ROBO1: variants seen among roughly 807,000 people sequenced by gnomAD.
ROBO1 encodes roundabout homolog 1.
ROBO1 carries 149 observed loss-of-function variants against 195.9 expected under a neutral mutation model. The observed-to-expected ratio is 0.76, with a 90% CI of 0.67 to 0.87. The LOEUF is 0.87. Ranked by LOEUF, ROBO1 falls within the 40% of genes least tolerant of loss-of-function variation. The pLI is 0.00. For missense variants in ROBO1, 1,933 were observed against 2,068.3 expected, an observed-to-expected ratio of 0.93 and a Z score of 1.27; for synonymous variants, 816 against 733.2, an observed-to-expected ratio of 1.11 and a Z score of -1.82.
chr3:79,469,991 A>T (rs141240394), intron 2 of ROBO1, among the ~76,000 whole-genome samples: 2 of 152,174 alleles, frequency 1.3e-5, no homozygotes. Flanking sequence ...AAGAGTTTTT[A>T]AAAACTGTTA....
intron 2 of ROBO1, among the ~76,000 whole-genome samples, chr3:79,306,286 A>T (rs1422349021): frequency 6.6e-6 from 1 of 152,264 alleles, no homozygotes; most frequent in African/African-American, 2.4e-5. Context: ...GATAGGTGAT[A>T]AAGAAACAAA....
Position 79,243,681 on chromosome 3 carries a change from G to GT in ROBO1, c.89-118143dup, listed in dbSNP as rs1439877142. Among the ~76,000 whole-genome samples, 491 of 152,110 alleles carry GT rather than the reference G, an allele frequency of 3.2e-3. 3 individuals carry two copies. Among genetic ancestry groups the GT allele is most frequent in the African/African-American group, 0.011 (469 of 41,516 alleles). Reference sequence around the variant, plus strand: ...CCTTCGCCCACTTTTTGATGGGGTTGTTTTTTTCTTGTAAATTTGTTTGAG... The same window carrying GT: ...CCTTCGCCCACTTTTTGATGGGGTTGTTTTTTTTCTTGTAAATTTGTTTGAG... On this transcript the variant is annotated intron_variant, in intron 2 of 30. Coordinates refer to ENST00000464233, the MANE Select transcript of ROBO1 (RefSeq NM_002941.4).
At chr3:79,403,959 C>T (rs1369809964) in intron 2 of ROBO1, among the ~76,000 whole-genome samples, 1 of 151,882 alleles carries the variant, frequency 6.6e-6, no homozygotes, top group African/African-American at 2.4e-5. Context: ...TACTCAGAGG[C>T]TCATAATATC....
chr3:79,248,934 G>A (rs1338108692), intron 2 of ROBO1, among the ~76,000 whole-genome samples: 2 of 152,110 alleles, frequency 1.3e-5, no homozygotes. Flanking sequence ...GAGAAATGGG[G>A]AAAGAAAGGG....
intron 1 of ROBO1, among the ~76,000 whole-genome samples, chr3:79,695,637 G>T (rs1200157449): frequency 2.0e-5 from 3 of 151,244 alleles, no homozygotes; most frequent in Non-Finnish European, 1.5e-5. Flanking sequence ...CCTAAAAATG[G>T]CTACTGAACT....
At chr3:79,272,408 T>C (rs2030645945) in intron 2 of ROBO1, among the ~76,000 whole-genome samples, 2 of 152,060 alleles carry the variant, frequency 1.3e-5, no homozygotes, top group Non-Finnish European at 2.9e-5. Flanking sequence ...AACATCACAT[T>C]GAACAACTAT....
intron 2 of ROBO1, among the ~76,000 whole-genome samples, chr3:79,257,535 T>G (rs556465271): frequency 3.3e-5 from 5 of 152,248 alleles, no homozygotes; most frequent in African/African-American, 1.2e-4. Context: ...TTGGTACAAG[T>G]GTGGTTGGCC....
chr3:79,193,769 A>G (rs558962254), intron 2 of ROBO1, among the ~76,000 whole-genome samples: 2 of 151,234 alleles, frequency 1.3e-5, no homozygotes, highest in Admixed American at 1.3e-4. Flanking sequence ...GAAAGAAGAC[A>G]CTCCAGGACT....
chr3:78,834,636 A>T (rs1272096817), intron 4 of ROBO1, among the ~76,000 whole-genome samples: 2 of 152,006 alleles, frequency 1.3e-5, no homozygotes, highest in Non-Finnish European at 2.9e-5. Context: ...TTCTTTGAAA[A>T]ATATAAACCA....
chr3:78,863,138 A>T (rs2034953374), intron 4 of ROBO1, among the ~76,000 whole-genome samples: 1 of 152,170 alleles, frequency 6.6e-6, no homozygotes, highest in South Asian at 2.1e-4. Context: ...ATCTCATTTA[A>T]TTCTTTCAGT....
rs1406676163 is a variant in ROBO1, at chr3:78,918,486, G to A, written c.499+20115C>T. On this transcript the variant is annotated intron_variant, in intron 4 of 30. Transcript: ENST00000464233. ...TTCAGAGAACTAAAATTAGTTATAT[G>A]AATCATTATCCCTTATTTGGCAATT... 3.9e-5 allele frequency among the ~76,000 whole-genome samples: 6 copies of A among 152,190 alleles called. No individual in the cohort carries two copies. In the East Asian group the frequency reaches 1.2e-3, roughly 29 times the overall value.
intron 5 of ROBO1, among the ~76,000 whole-genome samples, chr3:78,724,225 G>A (rs1027325688): frequency 6.6e-6 from 1 of 151,986 alleles, no homozygotes; most frequent in African/African-American, 2.4e-5. Flanking sequence ...ACATTGAAAT[G>A]GATCTTAAAA....
At chr3:79,664,048 A>G (rs766937416) in intron 1 of ROBO1, among the ~76,000 whole-genome samples, 2 of 152,078 alleles carry the variant, frequency 1.3e-5, no homozygotes, top group Non-Finnish European at 2.9e-5. Flanking sequence ...CTGTGTCTAC[A>G]GTAAGTTCAA....
At chr3:79,269,359 G>T (rs149320605) in intron 2 of ROBO1, among the ~76,000 whole-genome samples, 3 of 151,808 alleles carry the variant, frequency 2.0e-5, no homozygotes, top group Non-Finnish European at 4.4e-5. Context: ...ACAAATGAAT[G>T]CTATTTGTTT....
intron 1 of ROBO1, among the ~76,000 whole-genome samples, chr3:79,763,913 G>A (rs1704843814): frequency 1.3e-5 from 2 of 152,086 alleles, no homozygotes; most frequent in African/African-American, 4.8e-5. Flanking sequence ...TTTAAATATG[G>A]GGGAAAATAG....
chr3:79,418,123 G>A (rs2038080460), intron 2 of ROBO1, among the ~76,000 whole-genome samples: 1 of 152,120 alleles, frequency 6.6e-6, no homozygotes, highest in Non-Finnish European at 1.5e-5. Flanking sequence ...TAAACACTAT[G>A]AAATGTGTTT....
chr3:79,268,693 T>C (rs938878925), intron 2 of ROBO1, among the ~76,000 whole-genome samples: 1 of 151,700 alleles, frequency 6.6e-6, no homozygotes, highest in Non-Finnish European at 1.5e-5. Flanking sequence ...GATGATCACA[T>C]AGCCTACTTA....
chr3:79,410,814 C>T (rs2037737270), intron 2 of ROBO1, among the ~76,000 whole-genome samples: 1 of 152,144 alleles, frequency 6.6e-6, no homozygotes, highest in Non-Finnish European at 1.5e-5. Flanking sequence ...CCAGCTTGTG[C>T]TGCTTGCAGT....
At chr3:79,015,140 A>C (rs896648884) in intron 3 of ROBO1, among the ~76,000 whole-genome samples, 5 of 152,190 alleles carry the variant, frequency 3.3e-5, no homozygotes, top group Non-Finnish European at 5.9e-5. Flanking sequence ...ATGCATTATA[A>C]TGCCCATTAT....
Sources: gnomAD v4.1 joint callset for allele counts (sites outside exome capture counted in the v4.1 genomes callset) on GRCh38, gnomAD v4.1.1 for gene constraint, MANE v1.5 for transcripts, NCBI Gene and HGNC (gene_info 2026-07-23, HGNC 2026-07-21) for gene names.